The following SPOCK3 variants were observed in gnomAD, a reference collection of about 807,000 sequenced individuals.
SPOCK3 encodes the protein SPARC (osteonectin), cwcv and kazal like domains proteoglycan 3, also known as testican-3.
In SPOCK3, 30 loss-of-function variants were observed where a neutral mutation model predicts 56.6. The observed-to-expected ratio is 0.53, with a 90% CI of 0.40 to 0.72. The LOEUF (loss-of-function observed/expected upper bound fraction) is 0.72, where lower values mean the gene tolerates loss of function less well. SPOCK3 is among the 30% of genes least tolerant of loss of function. SPOCK3 has a pLI of 0.00. For missense variants in SPOCK3, 527 were observed against 530.0 expected (o/e 0.99, Z 0.06); for synonymous variants, 196 against 183.3 (o/e 1.07, Z -0.56).
intron 7 of SPOCK3, among the ~76,000 whole-genome samples, chr4:166,766,452 G>A (rs559369710): frequency 1.3e-5 from 2 of 152,238 alleles, no homozygotes; most frequent in East Asian, 1.9e-4. Flanking sequence ...TAATCATGTG[G>A]TTTTTGTCTT....
chr4:167,229,997 A>G (rs1299765180), intron 2 of SPOCK3, among the ~76,000 whole-genome samples: 2 of 152,080 alleles, frequency 1.3e-5, no homozygotes, highest in East Asian at 3.9e-4. Context: ...AATTTCCATT[A>G]AAGGGTACAA....
At chr4:166,894,106 G>T (rs527974009) in intron 5 of SPOCK3, among the ~76,000 whole-genome samples, 2 of 152,208 alleles carry the variant, frequency 1.3e-5, no homozygotes, top group African/African-American at 4.8e-5. Flanking sequence ...CACCACAGTG[G>T]ACACTACACC....
At chr4:167,093,557 C>T (rs977618538) in intron 2 of SPOCK3, among the ~76,000 whole-genome samples, 1 of 152,000 alleles carries the variant, frequency 6.6e-6, no homozygotes, top group Non-Finnish European at 1.5e-5. Flanking sequence ...GTTTTCTGTT[C>T]CTGTGTTAGT....
intron 2 of SPOCK3, among the ~76,000 whole-genome samples, chr4:167,205,409 TATATTAAATATATA>T (rs1472672866): frequency 4.1e-5 from 2 of 49,318 alleles, no homozygotes; most frequent in South Asian, 9.9e-4. Flanking sequence ...TAATATATTA[TATATTAAATATATA>T]ATATATAATA....
chr4:166,893,321 A>G (rs1734988604), intron 5 of SPOCK3, among the ~76,000 whole-genome samples: 1 of 152,106 alleles, frequency 6.6e-6, no homozygotes, highest in Admixed American at 6.6e-5. Context: ...CACTAAAGTA[A>G]TCCATATAAA....
intron 4 of SPOCK3, among the ~76,000 whole-genome samples, chr4:166,977,830 G>T (rs1251277776): frequency 6.6e-6 from 1 of 152,126 alleles, no homozygotes; most frequent in African/African-American, 2.4e-5. Flanking sequence ...CTTTTAAGAA[G>T]AAAGATGTAA....
At chr4:166,982,913 A>G (rs1746742893) in intron 4 of SPOCK3, among the ~76,000 whole-genome samples, 1 of 152,160 alleles carries the variant, frequency 6.6e-6, no homozygotes, top group African/African-American at 2.4e-5. Flanking sequence ...CATAAGGGGC[A>G]ATATTTGTGA....
chr4:167,120,904 A>G lies in SPOCK3; in HGVS notation c.190-58367T>C, dbSNP rs550303448. 2.4e-4 allele frequency among the ~76,000 whole-genome samples: 37 copies of G among 152,090 alleles called. 1 individual carries two copies. Among genetic ancestry groups the G allele is most frequent in the African/African-American group, 8.9e-4 (37 of 41,544 alleles). On this transcript the variant is annotated intron_variant, in intron 2 of 10. Transcript: ENST00000357545. ...ATTTAAATCAATTCCAACATTGGGT[A>G]ACATCATAGTTTGAATGAAGATTAA...
chr4:166,842,769 G>C (rs1357218722), intron 6 of SPOCK3, among the ~76,000 whole-genome samples: 2 of 152,346 alleles, frequency 1.3e-5, no homozygotes, highest in Non-Finnish European at 2.9e-5. Context: ...GAGCCCAGCT[G>C]GCTTCGCCTG....
At chr4:166,897,360 G>C (rs931385057) in intron 5 of SPOCK3, among the ~76,000 whole-genome samples, 4 of 152,138 alleles carry the variant, frequency 2.6e-5, no homozygotes, top group Non-Finnish European at 5.9e-5. Context: ...AGGAAATATA[G>C]TTGCAAGACA....
chr4:166,887,860 G>GAAAA (rs71604450), intron 6 of SPOCK3, among the ~76,000 whole-genome samples: 4 of 140,066 alleles, frequency 2.9e-5, no homozygotes, highest in East Asian at 2.1e-4. Context: ...ATAACTTATG[G>GAAAA]AAAAAAAAAA....
chr4:167,232,167 T>C (rs1737243480), intron 2 of SPOCK3, among the ~76,000 whole-genome samples: 1 of 152,084 alleles, frequency 6.6e-6, no homozygotes, highest in African/African-American at 2.4e-5. Flanking sequence ...GTCAAACACA[T>C]TCACAAACTG....
chr4:167,149,727 T>C (rs911262821), intron 2 of SPOCK3, among the ~76,000 whole-genome samples: 1 of 152,026 alleles, frequency 6.6e-6, no homozygotes, highest in Non-Finnish European at 1.5e-5. Context: ...TTCTTTAAGC[T>C]GTTAACAAAA....
intron 2 of SPOCK3, among the ~76,000 whole-genome samples, chr4:167,201,544 C>T (rs1308387904): frequency 6.6e-6 from 1 of 151,850 alleles, no homozygotes; most frequent in African/African-American, 2.4e-5. Flanking sequence ...CCTGCTTTTG[C>T]AAGAGTAATA....
At chr4:167,031,650 G>C (rs10471192) in intron 3 of SPOCK3, among the ~76,000 whole-genome samples, 2 of 151,728 alleles carry the variant, frequency 1.3e-5, no homozygotes, top group Non-Finnish European at 2.9e-5. Flanking sequence ...AGACAAGACC[G>C]GGCATGAAGT....
At chr4:166,885,683 A>AT (rs11374137) in intron 6 of SPOCK3, among the ~76,000 whole-genome samples, 117,060 of 151,970 alleles carry the variant, frequency 0.77, 45,095 homozygotes, top group East Asian at 0.83. Flanking sequence ...AATTCAAACT[A>AT]CAAGGTGCAT....
At chr4:166,746,503 A>T (rs1735634173) in intron 8 of SPOCK3, among the ~76,000 whole-genome samples, 1 of 152,204 alleles carries the variant, frequency 6.6e-6, no homozygotes, top group Non-Finnish European at 1.5e-5. Context: ...AGGGAAATTT[A>T]TAGCACTAAA....
chr4:166,827,910 G>A (rs1745649727), intron 6 of SPOCK3, among the ~76,000 whole-genome samples: 1 of 150,958 alleles, frequency 6.6e-6, no homozygotes, highest in Non-Finnish European at 1.5e-5. Flanking sequence ...TGCTAAATAT[G>A]CCTCATATAT....
At chr4:166,765,831 C>T (rs900991130) in intron 7 of SPOCK3, among the ~76,000 whole-genome samples, 3 of 152,156 alleles carry the variant, frequency 2.0e-5, no homozygotes, top group South Asian at 2.1e-4. Context: ...ATGGAATGTT[C>T]TTCCATTTGT....
Sources: gnomAD v4.1 joint callset for allele counts (sites outside exome capture counted in the v4.1 genomes callset) on GRCh38, gnomAD v4.1.1 for gene constraint, MANE v1.5 for transcripts, NCBI Gene and HGNC (gene_info 2026-07-23, HGNC 2026-07-21) for gene names.